Variants in DSCAM observed in about 807,000 individuals in gnomAD.
DSCAM encodes DS cell adhesion molecule.
DSCAM carries 47 observed loss-of-function variants against 217.7 expected under a neutral mutation model. The observed-to-expected ratio is 0.22, with a 90% CI of 0.17 to 0.28. DSCAM has a LOEUF of 0.28. DSCAM is among the 10% of genes least tolerant of loss of function. The probability of loss-of-function intolerance (pLI) is 1.00; values close to 1 mark genes in which losing one functional copy is unlikely to be tolerated. For missense variants in DSCAM, 2,080 were observed against 2,618.3 expected (o/e 0.79, Z 4.49); for synonymous variants, 1,056 against 1,015.3 (o/e 1.04, Z -0.76).
intron 3 of DSCAM, among the ~76,000 whole-genome samples, chr21:40,583,630 T>A (rs372950437): frequency 6.6e-6 from 1 of 152,144 alleles, no homozygotes; most frequent in African/African-American, 2.4e-5. Context: ...AGTTTCCTTT[T>A]GGCTGGAAAA....
At chr21:40,460,151 C>A (rs1252722447) in intron 3 of DSCAM, among the ~76,000 whole-genome samples, 1 of 152,078 alleles carries the variant, frequency 6.6e-6, no homozygotes, top group African/African-American at 2.4e-5. Context: ...AGGAGAGCAT[C>A]AGGATAAATA....
chr21:40,808,983 G>A (rs1041275152), intron 1 of DSCAM, among the ~76,000 whole-genome samples: 9 of 152,048 alleles, frequency 5.9e-5, no homozygotes, highest in Non-Finnish European at 1.2e-4. Flanking sequence ...TATCCTACAT[G>A]CTCACCACTG....
intron 1 of DSCAM, among the ~76,000 whole-genome samples, chr21:40,749,929 T>G (rs1041444): frequency 0.3 from 44,982 of 150,896 alleles, 7,776 homozygotes; most frequent in East Asian, 0.41. Context: ...TGGCTCCACT[T>G]TCTTCTTCTT....
At position 40,463,836 on chromosome 21, in the gene DSCAM, T is replaced by C. The variant is rs147499261; in HGVS notation, c.509-94591A>G. On this transcript the variant is annotated intron_variant, in intron 3 of 32. Coordinates refer to ENST00000400454, the MANE Select transcript of DSCAM (RefSeq NM_001389.5). ...TTGTCTTCTCATCCCTAGACACCCA[T>C]CCCGCAACTGTTGGCCTTACCTCAT... Among the ~76,000 whole-genome samples the C allele has an allele frequency of 2.4e-3, 358 of 152,270 alleles. 2 individuals carry two copies. The highest frequency in any genetic ancestry group is 8.3e-3 in the African/African-American group (346 of 41,542).
At chr21:40,839,079 C>A (rs959042564) in intron 1 of DSCAM, among the ~76,000 whole-genome samples, 14 of 152,148 alleles carry the variant, frequency 9.2e-5, no homozygotes, top group African/African-American at 3.4e-4. Context: ...CACACACATA[C>A]AAAATCCATG....
intron 3 of DSCAM, among the ~76,000 whole-genome samples, chr21:40,623,213 G>A (rs1171458847): frequency 1.4e-5 from 2 of 146,160 alleles, no homozygotes; most frequent in Non-Finnish European, 3.0e-5. Flanking sequence ...ATTGAAGACT[G>A]CATAAAATAT....
At chr21:40,634,993 G>A (rs1305504526) in intron 3 of DSCAM, among the ~76,000 whole-genome samples, 1 of 152,160 alleles carries the variant, frequency 6.6e-6, no homozygotes, top group Admixed American at 6.5e-5. Flanking sequence ...CACAAAGATA[G>A]GAATTTTGTC....
intron 3 of DSCAM, among the ~76,000 whole-genome samples, chr21:40,485,856 C>T (rs937875071): frequency 6.6e-6 from 1 of 151,990 alleles, no homozygotes; most frequent in Non-Finnish European, 1.5e-5. Context: ...ACTGACTTTT[C>T]ACACATATAC....
chr21:40,482,275 T>C lies in DSCAM; in HGVS notation c.509-113030A>G, dbSNP rs141657016. Among the ~76,000 whole-genome samples the C allele has an allele frequency of 3.2e-4, 48 of 152,360 alleles. 1 individual carries two copies. In the East Asian group the frequency reaches 3.9e-3, roughly 12 times the overall value. Reference sequence around the variant, plus strand: ...TCTAAACGTAGCTATTGTACACTTATGTAGTGTCAGAAGCACTTTTTCTAA... The same window carrying C: ...TCTAAACGTAGCTATTGTACACTTACGTAGTGTCAGAAGCACTTTTTCTAA... On this transcript the variant is annotated intron_variant, in intron 3 of 32. Coordinates refer to ENST00000400454, the MANE Select transcript of DSCAM (RefSeq NM_001389.5).
chr21:40,394,691 T>C lies in DSCAM; in HGVS notation c.509-25446A>G, dbSNP rs117253435. On this transcript the variant is annotated intron_variant, in intron 3 of 32. Coordinates refer to ENST00000400454, the MANE Select transcript of DSCAM (RefSeq NM_001389.5). Reference sequence around the variant, plus strand: ...AATTCTTCCTAGCAGGGCCAAGCTATCTTTTCCCTAGAGGGAGCCTTGATC... The same window carrying C: ...AATTCTTCCTAGCAGGGCCAAGCTACCTTTTCCCTAGAGGGAGCCTTGATC... Among the ~76,000 whole-genome samples the C allele has an allele frequency of 2.1e-4, 32 of 152,278 alleles. No individual in the cohort carries two copies. In the East Asian group the frequency reaches 6.0e-3, roughly 29 times the overall value.
chr21:40,289,279 A>G (rs2073863291), intron 10 of DSCAM, among the ~76,000 whole-genome samples: 1 of 152,218 alleles, frequency 6.6e-6, no homozygotes, highest in Admixed American at 6.5e-5. Flanking sequence ...GAACTTCAGA[A>G]GTCCCAGCAG....
At chr21:40,555,575 C>T (rs200872075) in intron 3 of DSCAM, among the ~76,000 whole-genome samples, 2 of 152,142 alleles carry the variant, frequency 1.3e-5, no homozygotes, top group Non-Finnish European at 2.9e-5. Context: ...TCATATAAAA[C>T]GTTTATTCTA....
chr21:40,028,383 C>T (rs1236811362), intron 32 of DSCAM, among the ~76,000 whole-genome samples: 6 of 145,844 alleles, frequency 4.1e-5, no homozygotes, highest in Admixed American at 1.4e-4. Context: ...CCACCCAGTT[C>T]GAGCTTCCAG....
At chr21:40,068,884 G>A (rs976978149) in intron 27 of DSCAM, among the ~76,000 whole-genome samples, 2 of 152,060 alleles carry the variant, frequency 1.3e-5, no homozygotes, top group East Asian at 1.9e-4. Context: ...TTGTGAGTTC[G>A]AGACCAGCCT....
At chr21:40,264,224 A>G (rs530086349) in intron 11 of DSCAM, among the ~76,000 whole-genome samples, 2 of 152,338 alleles carry the variant, frequency 1.3e-5, no homozygotes, top group South Asian at 2.1e-4. Context: ...TCCTCATACC[A>G]AAGCCAGGAG....
intron 11 of DSCAM, among the ~76,000 whole-genome samples, chr21:40,204,649 A>G (rs2091104842): frequency 6.6e-6 from 1 of 152,176 alleles, no homozygotes. Flanking sequence ...CCTCTTCTGA[A>G]AGAATAAGGA....
At chr21:40,319,879 A>G (rs1404413134) in intron 8 of DSCAM, among the ~76,000 whole-genome samples, 2 of 152,222 alleles carry the variant, frequency 1.3e-5, no homozygotes, top group Non-Finnish European at 2.9e-5. Context: ...ATAGAAAGGA[A>G]TGAGATCATG....
chr21:40,798,356 G>A (rs750029593), intron 1 of DSCAM, among the ~76,000 whole-genome samples: 5 of 151,852 alleles, frequency 3.3e-5, no homozygotes, highest in African/African-American at 4.8e-5. Context: ...AAGTAGTTTC[G>A]ATTGCATGAA....
At chr21:40,279,675 C>T (rs946041920) in intron 10 of DSCAM, among the ~76,000 whole-genome samples, 6 of 152,200 alleles carry the variant, frequency 3.9e-5, no homozygotes, top group African/African-American at 1.4e-4. Flanking sequence ...CACATGCACA[C>T]ATATGTTTAC....
Sources: allele counts gnomAD v4.1 joint callset (sites outside exome capture counted in the v4.1 genomes callset), GRCh38; gene constraint gnomAD v4.1.1; transcripts MANE v1.5; gene names NCBI Gene and HGNC (gene_info 2026-07-23, HGNC 2026-07-21).